The following NKAIN3 variants were observed in gnomAD, a reference collection of about 807,000 sequenced individuals.
The protein encoded by NKAIN3 is sodium/potassium transporting ATPase interacting 3, also known as sodium/potassium-transporting ATPase subunit beta-1-interacting protein 3.
A neutral mutation model predicts 30.2 loss-of-function variants in NKAIN3; 25 were observed. That is an observed-to-expected ratio of 0.83 (90% CI 0.60 to 1.16). The LOEUF (loss-of-function observed/expected upper bound fraction) is 1.16, where lower values mean the gene tolerates loss of function less well. Ranked by LOEUF, NKAIN3 falls within the 50% of genes most tolerant of loss-of-function variation. NKAIN3 has a pLI of 0.00. For missense variants in NKAIN3, 225 were observed against 254.1 expected, an observed-to-expected ratio of 0.89 and a Z score of 0.78; for synonymous variants, 91 against 89.6, an observed-to-expected ratio of 1.02 and a Z score of -0.09.
intron 4 of NKAIN3, among the ~76,000 whole-genome samples, chr8:62,851,399 C>A (rs1819892067): frequency 6.6e-6 from 1 of 152,166 alleles, no homozygotes; most frequent in Non-Finnish European, 1.5e-5. Flanking sequence ...ATGTCCTCTG[C>A]AAACAGGGAC....
chr8:62,511,256 C>T (rs1031738304), intron 1 of NKAIN3, among the ~76,000 whole-genome samples: 2 of 152,130 alleles, frequency 1.3e-5, no homozygotes, highest in Non-Finnish European at 2.9e-5. Flanking sequence ...TAGTTCCTAC[C>T]GCCTTCCGCG....
chr8:62,518,684 C>T (rs1479799961), intron 1 of NKAIN3, among the ~76,000 whole-genome samples: 3 of 152,050 alleles, frequency 2.0e-5, no homozygotes, highest in Non-Finnish European at 4.4e-5. Flanking sequence ...CCTAAAAACA[C>T]ATAAAATTGC....
chr8:62,519,444 A>G (rs892588543), intron 1 of NKAIN3, among the ~76,000 whole-genome samples: 5 of 152,198 alleles, frequency 3.3e-5, no homozygotes, highest in African/African-American at 1.2e-4. Flanking sequence ...TTAGAAGCTC[A>G]GAATCTATGA....
At chr8:62,302,669 TAG>T (rs561707633) in intron 1 of NKAIN3, among the ~76,000 whole-genome samples, 215 of 152,148 alleles carry the variant, frequency 1.4e-3, no homozygotes, top group African/African-American at 4.9e-3. Flanking sequence ...TCACTGCATA[TAG>T]ATAAAATCCT....
At chr8:62,507,531 G>A (rs16929081) in intron 1 of NKAIN3, among the ~76,000 whole-genome samples, 10,956 of 152,110 alleles carry the variant, frequency 0.072, 493 homozygotes, top group African/African-American at 0.13. Context: ...TTTGGAGAAT[G>A]CATGACTCAG....
At chr8:62,469,995 C>A (rs2129599956) in intron 1 of NKAIN3, among the ~76,000 whole-genome samples, 1 of 152,318 alleles carries the variant, frequency 6.6e-6, no homozygotes, top group South Asian at 2.1e-4. Flanking sequence ...TTGCAGCTCT[C>A]CCAATTCCCC....
At chr8:62,656,204 TC>T in intron 3 of NKAIN3, among the ~76,000 whole-genome samples, 1 of 152,162 alleles carries the variant, frequency 6.6e-6, no homozygotes, top group East Asian at 1.9e-4. Flanking sequence ...CTCTTCACAC[TC>T]CCTGTTTTCC....
intron 4 of NKAIN3, among the ~76,000 whole-genome samples, chr8:62,879,991 G>A (rs986482057): frequency 1.3e-5 from 2 of 152,154 alleles, no homozygotes; most frequent in Non-Finnish European, 2.9e-5. Context: ...AGGAAGCAAT[G>A]AAGAGGTGGC....
intron 4 of NKAIN3, among the ~76,000 whole-genome samples, chr8:62,775,859 T>G (rs2130644379): frequency 6.6e-6 from 1 of 152,286 alleles, no homozygotes; most frequent in East Asian, 1.9e-4. Flanking sequence ...ATTTTCTATC[T>G]GGATAATCTG....
intron 3 of NKAIN3, among the ~76,000 whole-genome samples, chr8:62,658,175 T>A (rs1342255123): frequency 6.6e-6 from 1 of 152,202 alleles, no homozygotes; most frequent in Admixed American, 6.5e-5. Context: ...CATGAAATCA[T>A]GCTATGAAGA....
intron 1 of NKAIN3, among the ~76,000 whole-genome samples, chr8:62,270,030 A>G (rs867695319): frequency 6.6e-6 from 1 of 151,812 alleles, no homozygotes; most frequent in African/African-American, 2.4e-5. Flanking sequence ...GGAGGTCCTT[A>G]TTATTATTAT....
At chr8:62,676,530 C>T (rs1295251861) in intron 3 of NKAIN3, among the ~76,000 whole-genome samples, 1 of 152,230 alleles carries the variant, frequency 6.6e-6, no homozygotes. Context: ...GATTGCACCA[C>T]TGCACTCCAG....
chr8:62,460,114 G>A (rs913058372), intron 1 of NKAIN3, among the ~76,000 whole-genome samples: 3 of 152,062 alleles, frequency 2.0e-5, no homozygotes, highest in African/African-American at 7.2e-5. Context: ...CTCCATCAAA[G>A]CAATAAGAAA....
rs999202691 is a variant in NKAIN3 at position 62,973,691 on chromosome 8, G to A, written c.*8284G>A. The stretch of plus-strand genomic sequence containing the variant: ...TAATTAGATCCCATTTGTCAATTTT[G>A]GCTTTTGTTGACATTGCTTTTGGTG... On this transcript the variant is annotated 3_prime_UTR_variant, in exon 7 of 7. Transcript: ENST00000623646. 1.3e-5 allele frequency among the ~76,000 whole-genome samples: 2 copies of A among 149,936 alleles called. No homozygotes were observed. The highest frequency in any genetic ancestry group is 2.5e-5 in the African/African-American group (1 of 39,388).
intron 4 of NKAIN3, among the ~76,000 whole-genome samples, chr8:62,801,403 T>C (rs1028580341): frequency 3.9e-5 from 6 of 152,296 alleles, no homozygotes; most frequent in Admixed American, 1.3e-4. Flanking sequence ...CACAGCCAGG[T>C]ACTCTTCTGA....
intron 5 of NKAIN3, among the ~76,000 whole-genome samples, chr8:62,930,279 G>A (rs1300029713): frequency 6.6e-6 from 1 of 151,386 alleles, no homozygotes; most frequent in African/African-American, 2.4e-5. Context: ...TGGAGACAAA[G>A]TCTCATTCTT....
intron 4 of NKAIN3, among the ~76,000 whole-genome samples, chr8:62,851,420 C>T (rs1819893354): frequency 6.6e-6 from 1 of 152,128 alleles, no homozygotes; most frequent in Admixed American, 6.5e-5. Context: ...AATTTGACTT[C>T]CTCTTTTCCT....
In NKAIN3 at chr8:62,742,452, T is replaced by G. The variant is rs117599776; in HGVS notation, c.274-4480T>G. Among the ~76,000 whole-genome samples the G allele has an allele frequency of 4.6e-5, 7 of 152,272 alleles. No homozygotes were observed. The East Asian group carries it at 1.4e-3, about 29-fold the overall frequency. On this transcript the variant is annotated intron_variant, in intron 3 of 6. Transcript: ENST00000623646. The stretch of plus-strand genomic sequence containing the variant: ...GGCAAATAGGAAAAAGACAGAGAGA[T>G]CTGTATATATCTGCTTCTTCTCAGT...
At chr8:62,797,471 G>C (rs1817897731) in intron 4 of NKAIN3, among the ~76,000 whole-genome samples, 1 of 152,292 alleles carries the variant, frequency 6.6e-6, no homozygotes, top group Admixed American at 6.5e-5. Flanking sequence ...TACTTGAGAT[G>C]AACGATGCAA....
Sources: gnomAD v4.1 joint callset for allele counts (sites outside exome capture counted in the v4.1 genomes callset) on GRCh38, gnomAD v4.1.1 for gene constraint, MANE v1.5 for transcripts, NCBI Gene and HGNC (gene_info 2026-07-23, HGNC 2026-07-21) for gene names.